The following KCNAB1 variants were observed in gnomAD, a reference collection of about 807,000 sequenced individuals.
KCNAB1 encodes voltage-gated potassium channel subunit beta-1.
KCNAB1 carries 35 observed loss-of-function variants against 64.6 expected under a neutral mutation model. The observed-to-expected ratio is 0.54, with a 90% CI of 0.41 to 0.72. The LOEUF is 0.72. Ranked by LOEUF, KCNAB1 falls within the 30% of genes least tolerant of loss-of-function variation. KCNAB1 has a pLI of 0.00. For synonymous variants in KCNAB1, 177 were observed against 183.8 expected, an observed-to-expected ratio of 0.96 and a Z score of 0.30; for missense variants, 401 against 512.9, an observed-to-expected ratio of 0.78 and a Z score of 2.11.
chr3:156,247,053 T>C (rs116334819), intron 1 of KCNAB1, among the ~76,000 whole-genome samples: 6 of 152,276 alleles, frequency 3.9e-5, no homozygotes, highest in African/African-American at 1.4e-4. Flanking sequence ...TGCTCATGAA[T>C]GTATGATTGA....
chr3:156,160,697 A>G (rs1005026620), intron 1 of KCNAB1, among the ~76,000 whole-genome samples: 2 of 152,240 alleles, frequency 1.3e-5, no homozygotes, highest in African/African-American at 4.8e-5. Flanking sequence ...AGAGAGCTTG[A>G]AGATGAGTAA....
chr3:156,522,810 A>T (rs917158615), intron 11 of KCNAB1, among the ~76,000 whole-genome samples: 1 of 139,968 alleles, frequency 7.1e-6, no homozygotes, highest in Non-Finnish European at 1.6e-5. Flanking sequence ...CTCTGGGAAG[A>T]TAAAGATCTG....
chr3:156,185,575 T>C (rs947104514), intron 1 of KCNAB1, among the ~76,000 whole-genome samples: 1 of 152,174 alleles, frequency 6.6e-6, no homozygotes, highest in Non-Finnish European at 1.5e-5. Flanking sequence ...GCTTATATAG[T>C]GAATTGGAGA....
chr3:156,157,007 G>A (rs763286741), intron 1 of KCNAB1, among the ~76,000 whole-genome samples: 1 of 152,270 alleles, frequency 6.6e-6, no homozygotes, highest in African/African-American at 2.4e-5. Flanking sequence ...GAATGAGTGT[G>A]CAGAAAGGCA....
intron 3 of KCNAB1, chr3:156,455,929 C>T (rs544429525): frequency 1.4e-4 from 22 of 152,416 alleles, no homozygotes; most frequent in African/African-American, 4.6e-4. Flanking sequence ...GGGTGTGTCA[C>T]ATGACCCTTC....
Position 156,182,603 on chromosome 3 carries a change from C to A in KCNAB1, c.275+61717C>A, listed in dbSNP as rs147870641. 3.0e-3 allele frequency among the ~76,000 whole-genome samples: 390 copies of A among 129,084 alleles called. 1 individual carries two copies. The highest frequency in any genetic ancestry group is 0.01 in the African/African-American group (360 of 35,440). The allele number at this position is 129,084 out of a possible 152,430, so 84.7% of individuals were successfully genotyped here. ...AATTTAGCCTTCTTTATATTCTACT[C>A]CTTCTTTCCAGGGTTGGTTTTTTTT... On this transcript the variant is annotated intron_variant, in intron 1 of 13. Coordinates refer to ENST00000490337, the MANE Select transcript of KCNAB1 (RefSeq NM_172160.3).
chr3:156,213,108 G>A (rs1715113705), intron 1 of KCNAB1, among the ~76,000 whole-genome samples: 1 of 152,164 alleles, frequency 6.6e-6, no homozygotes, highest in Non-Finnish European at 1.5e-5. Flanking sequence ...GTGATGGGCT[G>A]AGTATGGGGT....
intron 1 of KCNAB1, among the ~76,000 whole-genome samples, chr3:156,420,742 G>GT (rs1377457446): frequency 2.0e-5 from 3 of 152,074 alleles, no homozygotes; most frequent in Non-Finnish European, 4.4e-5. Context: ...CTGAGAATTT[G>GT]TTTTTTTCCT....
At chr3:156,140,871 G>A (rs944674671) in intron 1 of KCNAB1, among the ~76,000 whole-genome samples, 2 of 152,122 alleles carry the variant, frequency 1.3e-5, no homozygotes, top group African/African-American at 2.4e-5. Context: ...GAGGAGGTGA[G>A]CTTTAAGGGA....
intron 1 of KCNAB1, among the ~76,000 whole-genome samples, chr3:156,209,543 C>T (rs962072004): frequency 2.0e-5 from 3 of 152,110 alleles, no homozygotes; most frequent in Admixed American, 2.0e-4. Flanking sequence ...GGTGTTATGG[C>T]TTTGATAGTT....
At chr3:156,459,042 G>T (rs1253670906) in intron 4 of KCNAB1, among the ~76,000 whole-genome samples, 2 of 152,168 alleles carry the variant, frequency 1.3e-5, no homozygotes, top group Non-Finnish European at 2.9e-5. Context: ...ATAATGACTA[G>T]CCATGACTCC....
intron 1 of KCNAB1, among the ~76,000 whole-genome samples, chr3:156,166,997 C>G (rs1014706136): frequency 4.6e-5 from 7 of 152,174 alleles, no homozygotes; most frequent in Non-Finnish European, 8.8e-5. Context: ...TGAAGGGCAA[C>G]AAGTCTCCAT....
At chr3:156,518,925 G>A (rs1717754554) in intron 11 of KCNAB1, among the ~76,000 whole-genome samples, 1 of 152,166 alleles carries the variant, frequency 6.6e-6, no homozygotes, top group Admixed American at 6.5e-5. Flanking sequence ...CCCAGAACCT[G>A]CCATTCCTTC....
chr3:156,307,366 C>CTTTTTTTTTTTTT (rs34577217), intron 1 of KCNAB1, among the ~76,000 whole-genome samples: 1 of 148,238 alleles, frequency 6.7e-6, no homozygotes, highest in African/African-American at 2.5e-5. Context: ...TTCTTTTCAT[C>CTTTTTTTTTTTTT]TTTTTTTTTT....
At chr3:156,119,656 G>A (rs889595878), upstream of KCNAB1, among the ~76,000 whole-genome samples, 1 of 152,126 alleles carries the variant, frequency 6.6e-6, no homozygotes, top group Non-Finnish European at 1.5e-5. Context: ...GGTGCTTAAC[G>A]GGTCACTAAA....
intron 1 of KCNAB1, among the ~76,000 whole-genome samples, chr3:156,131,834 T>C (rs1366292481): frequency 6.6e-6 from 1 of 152,240 alleles, no homozygotes; most frequent in African/African-American, 2.4e-5. Context: ...ATGAAAATTC[T>C]GTCATCTTCA....
chr3:156,319,889 A>G (rs1018826125), intron 1 of KCNAB1, among the ~76,000 whole-genome samples: 1 of 152,160 alleles, frequency 6.6e-6, no homozygotes, highest in Admixed American at 6.5e-5. Context: ...TGTAAGTACC[A>G]TGTTACTATT....
At chr3:156,430,998 A>T (rs1205004864) in intron 2 of KCNAB1, among the ~76,000 whole-genome samples, 2 of 152,220 alleles carry the variant, frequency 1.3e-5, no homozygotes, top group African/African-American at 4.8e-5. Context: ...TGAACGCTCC[A>T]CAGACAGAAT....
intron 1 of KCNAB1, among the ~76,000 whole-genome samples, chr3:156,340,199 G>A (rs1011971098): frequency 1.3e-5 from 2 of 152,068 alleles, no homozygotes; most frequent in African/African-American, 4.8e-5. Context: ...CAGTGGAAAA[G>A]CCCATCTTGA....
Sources: gnomAD v4.1 joint callset for allele counts (sites outside exome capture counted in the v4.1 genomes callset) on GRCh38, gnomAD v4.1.1 for gene constraint, MANE v1.5 for transcripts, NCBI Gene and HGNC (gene_info 2026-07-23, HGNC 2026-07-21) for gene names.